The following VEPH1 variants were observed in gnomAD, a reference collection of about 807,000 sequenced individuals.
VEPH1 encodes ventricular zone-expressed PH domain-containing protein homolog 1.
In VEPH1, 80 loss-of-function variants were observed where a neutral mutation model predicts 85.2. That is an observed-to-expected ratio of 0.94 (90% confidence interval 0.78 to 1.13). The LOEUF is 1.13. VEPH1 is among the 50% of genes most tolerant of loss of function. The probability of loss-of-function intolerance (pLI) is 0.00; values close to 1 mark genes in which losing one functional copy is unlikely to be tolerated. For synonymous variants in VEPH1, 297 were observed against 348.0 expected (o/e 0.85, Z 1.63); for missense variants, 955 against 980.5 (o/e 0.97, Z 0.35).
intron 1 of VEPH1, among the ~76,000 whole-genome samples, chr3:157,497,743 T>A (rs140240902): frequency 6.6e-6 from 1 of 152,164 alleles, no homozygotes; most frequent in Non-Finnish European, 1.5e-5. Flanking sequence ...CACATTTACA[T>A]GACACCTGGT....
chr3:157,462,311 A>G (rs561016182), intron 3 of VEPH1, among the ~76,000 whole-genome samples: 1 of 152,114 alleles, frequency 6.6e-6, no homozygotes, highest in Non-Finnish European at 1.5e-5. Context: ...TCTGAAGAAG[A>G]AGCACAGTTA....
chr3:157,320,631 GTTTC>G (rs199956348), intron 9 of VEPH1, among the ~76,000 whole-genome samples: 1,583 of 152,138 alleles, frequency 0.01, 37 homozygotes, highest in African/African-American at 0.037. Flanking sequence ...TCTGAGAGTA[GTTTC>G]TTTATTTTTA....
chr3:157,493,325 C>T, intron 2 of VEPH1: 1 of 455,780 alleles, frequency 2.2e-6, no homozygotes, highest in South Asian at 1.6e-5. Flanking sequence ...GAATTGATTA[C>T]TGAGATCCAA....
At position 157,352,289 on chromosome 3, in the gene VEPH1, T is replaced by G. The variant is rs534149982; in HGVS notation, c.1735+11075A>C. Among the ~76,000 whole-genome samples, 4 of 152,360 alleles carry G rather than the reference T, an allele frequency of 2.6e-5. No individual in the cohort carries two copies. In the South Asian group the frequency reaches 8.3e-4, roughly 32 times the overall value. ...AATAACTCAACTACTGGATTCATTT[T>G]CTTTCTCTATGTTTATTTTCCCCTC... is the stretch of plus-strand genomic sequence containing the variant. On this transcript the variant is annotated intron_variant, in intron 9 of 13. Coordinates refer to ENST00000362010, the MANE Select transcript of VEPH1 (RefSeq NM_001167912.2).
intron 2 of VEPH1, among the ~76,000 whole-genome samples, chr3:157,475,613 A>G (rs987175288): frequency 6.6e-6 from 1 of 152,248 alleles, no homozygotes; most frequent in African/African-American, 2.4e-5. Flanking sequence ...CAACCACTAT[A>G]GAAATAACAT....
At chr3:157,298,513 G>A (rs1291279431) in intron 11 of VEPH1, among the ~76,000 whole-genome samples, 6 of 152,116 alleles carry the variant, frequency 3.9e-5, no homozygotes, top group Non-Finnish European at 7.3e-5. Flanking sequence ...GCGCCCCAAG[G>A]ACACTTGCAT....
chr3:157,447,671 T>C (rs1277133467), intron 4 of VEPH1, among the ~76,000 whole-genome samples: 4 of 150,866 alleles, frequency 2.7e-5, no homozygotes, highest in Non-Finnish European at 5.9e-5. Flanking sequence ...CTCGGCTCAC[T>C]GCAACCTCTG....
Position 157,342,198 on chromosome 3 carries a change from G to A in VEPH1, c.1735+21166C>T, listed in dbSNP as rs977744332. Reference sequence around the variant, plus strand: ...CAATACTAACCTTAAATGTAAATGGGCTAAATGTTCCAATTAAAAGACACA... The same window carrying A: ...CAATACTAACCTTAAATGTAAATGGACTAAATGTTCCAATTAAAAGACACA... On this transcript the variant is annotated intron_variant, in intron 9 of 13. Transcript: ENST00000362010. Among the ~76,000 whole-genome samples the A allele has an allele frequency of 5.5e-4, 84 of 152,192 alleles. 1 individual carries two copies. Among genetic ancestry groups the A allele is most frequent in the African/African-American group, 1.8e-3 (73 of 41,504 alleles).
rs895110276 is a variant in VEPH1 at position 157,348,415 on chromosome 3, A to AT, written c.1735+14948dup. ...CTCTGCATCCTCACCAGCATTTGTT[A>AT]TTTTTTTTTTCTTTTTGATAATAGC... On this transcript the variant is annotated intron_variant, in intron 9 of 13. Coordinates refer to ENST00000362010, the MANE Select transcript of VEPH1 (RefSeq NM_001167912.2). Among the ~76,000 whole-genome samples, 134 of 148,346 alleles carry AT rather than the reference A, an allele frequency of 9.0e-4. No individual in the cohort carries two copies. In the East Asian group the frequency reaches 0.016, roughly 18 times the overall value.
chr3:157,353,065 T>G (rs951790554), intron 9 of VEPH1, among the ~76,000 whole-genome samples: 1 of 152,160 alleles, frequency 6.6e-6, no homozygotes, highest in Non-Finnish European at 1.5e-5. Context: ...AGAATTGCCC[T>G]GCAGCAGAGG....
chr3:157,461,730 A>G (rs56682605), intron 3 of VEPH1, among the ~76,000 whole-genome samples: 5,803 of 152,234 alleles, frequency 0.038, 370 homozygotes, highest in African/African-American at 0.13. Context: ...TTACATGGGG[A>G]AAAAACATAT....
At chr3:157,364,567 A>G in intron 7 of VEPH1, 55 bp from the exon 8 acceptor site, 1 of 1,512,540 alleles carries the variant, frequency 6.6e-7, no homozygotes. Flanking sequence ...TCTTCAGAAC[A>G]GTGTTATTCT....
At chr3:157,437,380 A>C in intron 4 of VEPH1, 2 of 1,075,212 alleles carry the variant, frequency 1.9e-6, no homozygotes, top group South Asian at 2.8e-5. Flanking sequence ...TGTTTTTCGG[A>C]GGTGTCCTTA....
chr3:157,450,048 CTTTTTTTT>C (rs761761440), intron 4 of VEPH1, among the ~76,000 whole-genome samples: 3 of 77,322 alleles, frequency 3.9e-5, no homozygotes, highest in Non-Finnish European at 4.9e-5. Flanking sequence ...AGAATATTTA[CTTTTTTTT>C]TTTTTTTTTT....
chr3:157,278,214 G>A (rs1399301954), intron 12 of VEPH1, among the ~76,000 whole-genome samples: 1 of 152,312 alleles, frequency 6.6e-6, no homozygotes, highest in East Asian at 1.9e-4. Context: ...TATGCATCGG[G>A]GGGTTACAAA....
chr3:157,471,227 A>T (rs1736924440), intron 2 of VEPH1, among the ~76,000 whole-genome samples: 1 of 152,230 alleles, frequency 6.6e-6, no homozygotes, highest in South Asian at 2.1e-4. Context: ...AGAGCCTGAC[A>T]TCATCATGTG....
intron 9 of VEPH1, among the ~76,000 whole-genome samples, chr3:157,344,206 G>T (rs1300446795): frequency 6.6e-6 from 1 of 152,062 alleles, no homozygotes; most frequent in African/African-American, 2.4e-5. Context: ...AGAAATAAAG[G>T]GTATTCAATT....
intron 5 of VEPH1, among the ~76,000 whole-genome samples, chr3:157,416,389 T>C (rs1731912326): frequency 6.6e-6 from 1 of 152,162 alleles, no homozygotes; most frequent in South Asian, 2.1e-4. Context: ...TTCTGGTAAA[T>C]GGCATATATG....
intron 7 of VEPH1, among the ~76,000 whole-genome samples, chr3:157,375,315 C>T (rs1047532498): frequency 1.3e-5 from 2 of 152,168 alleles, no homozygotes; most frequent in African/African-American, 4.8e-5. Context: ...AGAGCGATTA[C>T]TTTCAAGGTC....
Sources: allele counts gnomAD v4.1 joint callset (sites outside exome capture counted in the v4.1 genomes callset), GRCh38; gene constraint gnomAD v4.1.1; transcripts MANE v1.5; gene names NCBI Gene and HGNC (gene_info 2026-07-23, HGNC 2026-07-21).